The following KCNC2 variants were observed in gnomAD, a reference collection of about 807,000 sequenced individuals.
KCNC2 encodes the protein voltage-gated potassium channel KCNC2.
In KCNC2, 21 loss-of-function variants were observed where a neutral mutation model predicts 44.5. The ratio of observed to expected loss-of-function variants is 0.47; its 90% CI spans 0.33 to 0.68. KCNC2 has a LOEUF of 0.68. Ranked by LOEUF, KCNC2 falls within the 30% of genes least tolerant of loss-of-function variation. The probability of loss-of-function intolerance (pLI) is 0.01; values close to 1 mark genes in which losing one functional copy is unlikely to be tolerated. For synonymous variants in KCNC2, 391 were observed against 339.1 expected (o/e 1.15, Z -1.68); for missense variants, 589 against 826.2 (o/e 0.71, Z 3.52).
At chr12:75,093,305 T>A (rs530635755) in intron 2 of KCNC2, among the ~76,000 whole-genome samples, 1 of 151,732 alleles carries the variant, frequency 6.6e-6, no homozygotes, top group African/African-American at 2.4e-5. Flanking sequence ...ACTTCGCATA[T>A]GTTACAAGAT....
chr12:75,044,105 T>G (rs531266687), intron 4 of KCNC2, among the ~76,000 whole-genome samples: 148 of 152,084 alleles, frequency 9.7e-4, no homozygotes, highest in Middle Eastern at 3.4e-3. Context: ...AAGGTCACCT[T>G]TGGAAATATT....
At chr12:75,161,299 A>G (rs1276243580) in intron 2 of KCNC2, among the ~76,000 whole-genome samples, 3 of 151,714 alleles carry the variant, frequency 2.0e-5, no homozygotes, top group Admixed American at 1.3e-4. Context: ...TACTAGAAAT[A>G]CACTTTTAAA....
intron 2 of KCNC2, among the ~76,000 whole-genome samples, chr12:75,113,067 A>C (rs1259470756): frequency 6.6e-6 from 1 of 152,176 alleles, no homozygotes; most frequent in African/African-American, 2.4e-5. Flanking sequence ...TCAAAGGATA[A>C]GCAATAAGTA....
chr12:75,098,839 T>C (rs1886148180), intron 2 of KCNC2, among the ~76,000 whole-genome samples: 1 of 151,938 alleles, frequency 6.6e-6, no homozygotes, highest in African/African-American at 2.4e-5. Context: ...CTATACAAAA[T>C]CACAAGTGAA....
chr12:75,047,580 G>A (rs965979602), intron 4 of KCNC2, among the ~76,000 whole-genome samples: 1 of 152,174 alleles, frequency 6.6e-6, no homozygotes, highest in African/African-American at 2.4e-5. Context: ...GAGTACACAA[G>A]TAGGCTTTGA....
intron 2 of KCNC2, among the ~76,000 whole-genome samples, chr12:75,124,314 T>G (rs1888249381): frequency 6.6e-6 from 1 of 152,172 alleles, no homozygotes; most frequent in African/African-American, 2.4e-5. Context: ...CTATGAAAAT[T>G]TACTACCCAG....
intron 2 of KCNC2, among the ~76,000 whole-genome samples, chr12:75,105,460 T>G (rs944933872): frequency 2.6e-5 from 4 of 152,112 alleles, no homozygotes; most frequent in Non-Finnish European, 5.9e-5. Context: ...CATTCTTGTA[T>G]TTTCAGGTGA....
At chr12:75,092,218 T>C (rs1885545249) in intron 2 of KCNC2, among the ~76,000 whole-genome samples, 1 of 151,620 alleles carries the variant, frequency 6.6e-6, no homozygotes, top group Non-Finnish European at 1.5e-5. Context: ...TAAAAGCAAC[T>C]GAATGGCAAA....
At chr12:75,089,208 T>A (rs1016182620) in intron 2 of KCNC2, among the ~76,000 whole-genome samples, 4 of 151,896 alleles carry the variant, frequency 2.6e-5, no homozygotes, top group African/African-American at 9.7e-5. Flanking sequence ...ATTTATTTTC[T>A]CTGTTAATAT....
Position 75,153,344 on chromosome 12 carries a change from T to C in KCNC2, c.687+53953A>G, listed in dbSNP as rs377705800. Among the ~76,000 whole-genome samples the C allele has an allele frequency of 8.6e-5, 13 of 152,020 alleles. No individual in the cohort carries two copies. The East Asian group carries it at 2.3e-3, about 27-fold the overall frequency. On this transcript the variant is annotated intron_variant, in intron 2 of 4. Coordinates refer to ENST00000549446, the MANE Select transcript of KCNC2 (RefSeq NM_139137.4). The stretch of plus-strand genomic sequence containing the variant: ...TTATAGGTGCCAATCTCCCATGCAG[T>C]TGAAAATTTACGTGTAACATTTGAC...
At chr12:75,092,851 T>C (rs1248581368) in intron 2 of KCNC2, among the ~76,000 whole-genome samples, 1 of 151,604 alleles carries the variant, frequency 6.6e-6, no homozygotes, top group African/African-American at 2.4e-5. Context: ...AGTTAATAGC[T>C]TTGCTGAAAA....
chr12:75,175,061 C>A (rs1187079607), intron 2 of KCNC2, among the ~76,000 whole-genome samples: 1 of 151,756 alleles, frequency 6.6e-6, no homozygotes, highest in Admixed American at 6.6e-5. Context: ...AAAGAAAAAA[C>A]AGGAGGGGAC....
intron 2 of KCNC2, among the ~76,000 whole-genome samples, chr12:75,109,948 T>C (rs754782561): frequency 1.3e-5 from 2 of 151,730 alleles, no homozygotes; most frequent in Non-Finnish European, 2.9e-5. Flanking sequence ...CTTTTAAGAA[T>C]TGGCAAAAAT....
chr12:75,043,710 C>T, intron 4 of KCNC2: 1 of 1,403,710 alleles, frequency 7.1e-7, no homozygotes, highest in East Asian at 2.7e-5. Flanking sequence ...CTTTTTCCAG[C>T]ATATTTAATC....
chr12:75,050,444 G>T lies in KCNC2; in HGVS notation c.1561C>A (p.Gln521Lys). 1 of 1,613,520 alleles carries T rather than the reference G, an allele frequency of 6.2e-7. No individual in the cohort carries two copies. The highest frequency in any genetic ancestry group is 8.5e-7 in the Non-Finnish European group (1 of 1,179,674). The change falls in exon 3 of 5, where the codon CAG becomes AAG. Residue 521 changes from glutamine (Q) to lysine (K), a missense_variant. Transcript: ENST00000549446. ...TCTTTGCCCAGACATGTGTCACTCT[G>T]TGTACTATTGCAGGCCATATTTAAT... ...TELNMACNSTQSDTCLGKDNR... is the reference protein window; with the variant it reads ...TELNMACNSTKSDTCLGKDNR...
In KCNC2 at chr12:75,141,645, C is replaced by A. The variant is rs557499279; in HGVS notation, c.687+65652G>T. Among the ~76,000 whole-genome samples the A allele has an allele frequency of 2.2e-3, 331 of 152,198 alleles. 1 individual carries two copies. Among genetic ancestry groups the A allele is most frequent in the African/African-American group, 7.6e-3 (315 of 41,534 alleles). On this transcript the variant is annotated intron_variant, in intron 2 of 4. Transcript: ENST00000549446. ...TATCAAAATCATTCAGAATTTGAAT[C>A]CATCTTCTTACTTTCAATGCGATGT...
rs549947277 is a variant in KCNC2 at position 75,070,215 on chromosome 12, CGAGG to C, written c.688-18902_688-18899del. Among the ~76,000 whole-genome samples, 23 of 151,920 alleles carry C rather than the reference CGAGG, an allele frequency of 1.5e-4. No individual in the cohort carries two copies. The East Asian group carries it at 4.4e-3, about 29-fold the overall frequency. On this transcript the variant is annotated intron_variant, in intron 2 of 4. Transcript: ENST00000549446. ...CAAGATAGTCACTTTTTTGGGAAGC[CGAGG>C]CAGGCGGATTGCTTGAGGTCAGGAG...
chr12:75,172,997 C>G (rs921617505), intron 2 of KCNC2, among the ~76,000 whole-genome samples: 3 of 151,828 alleles, frequency 2.0e-5, no homozygotes, highest in Admixed American at 6.6e-5. Flanking sequence ...GATCCCAGAT[C>G]AAACAGAAAT....
chr12:75,091,666 G>A (rs915530692), intron 2 of KCNC2, among the ~76,000 whole-genome samples: 5 of 151,514 alleles, frequency 3.3e-5, no homozygotes, highest in African/African-American at 1.2e-4. Flanking sequence ...CAGTTTAGAA[G>A]TTGTTAGAAT....
Sources: allele counts gnomAD v4.1 joint callset (sites outside exome capture counted in the v4.1 genomes callset), GRCh38; gene constraint gnomAD v4.1.1; transcripts MANE v1.5; gene names NCBI Gene and HGNC (gene_info 2026-07-23, HGNC 2026-07-21).